The following SCFD2 variants were observed in gnomAD, a reference collection of about 807,000 sequenced individuals.
The protein encoded by SCFD2 is sec1 family domain-containing protein 2.
A neutral mutation model predicts 58.9 loss-of-function variants in SCFD2; 54 were observed. That is an observed-to-expected ratio of 0.92 (90% CI 0.74 to 1.15). The LOEUF is 1.15. Ranked by LOEUF, SCFD2 falls within the 50% of genes most tolerant of loss-of-function variation. The pLI, the probability that SCFD2 is intolerant of heterozygous loss-of-function variation, is 0.00. For missense variants in SCFD2, 805 were observed against 836.6 expected, an observed-to-expected ratio of 0.96 and a Z score of 0.47; for synonymous variants, 321 against 335.9, an observed-to-expected ratio of 0.96 and a Z score of 0.49.
chr4:53,029,894 A>G (rs1722572522), intron 5 of SCFD2, among the ~76,000 whole-genome samples: 1 of 152,000 alleles, frequency 6.6e-6, no homozygotes, highest in South Asian at 2.1e-4. Flanking sequence ...CATACAAGAG[A>G]CTCCTTGTGG....
intron 4 of SCFD2, among the ~76,000 whole-genome samples, chr4:53,228,155 G>T (rs1161391119): frequency 6.6e-6 from 1 of 152,140 alleles, no homozygotes; most frequent in Non-Finnish European, 1.5e-5. Flanking sequence ...TTTAAGCCTA[G>T]TTCTTGTCAC....
At chr4:53,228,119 T>A (rs995346397) in intron 4 of SCFD2, among the ~76,000 whole-genome samples, 2 of 152,172 alleles carry the variant, frequency 1.3e-5, no homozygotes, top group Non-Finnish European at 2.9e-5. Context: ...ACTGTAAGGT[T>A]TGAATAAGAC....
chr4:52,875,398 TAGA>T (rs1200663826), intron 8 of SCFD2, among the ~76,000 whole-genome samples: 5 of 152,062 alleles, frequency 3.3e-5, no homozygotes, highest in African/African-American at 1.2e-4. Flanking sequence ...GTATGCACCC[TAGA>T]AGAAGAGGTG....
intron 3 of SCFD2, among the ~76,000 whole-genome samples, chr4:53,285,885 C>T (rs1731649442): frequency 6.6e-6 from 1 of 152,114 alleles, no homozygotes; most frequent in Non-Finnish European, 1.5e-5. Flanking sequence ...GCCTAGAGTT[C>T]ACATGGCTGT....
chr4:53,109,132 C>G (rs544321238), intron 5 of SCFD2, among the ~76,000 whole-genome samples: 1 of 152,180 alleles, frequency 6.6e-6, no homozygotes, highest in Non-Finnish European at 1.5e-5. Flanking sequence ...ATTATCTCAA[C>G]AGATACAGAA....
At chr4:53,080,116 G>A (rs1380563812) in intron 5 of SCFD2, among the ~76,000 whole-genome samples, 5 of 152,096 alleles carry the variant, frequency 3.3e-5, no homozygotes, top group African/African-American at 2.4e-5. Flanking sequence ...TTCTAGCAAC[G>A]AAACATTACC....
intron 4 of SCFD2, among the ~76,000 whole-genome samples, chr4:53,254,545 G>C (rs1381439412): frequency 1.3e-5 from 2 of 150,070 alleles, no homozygotes; most frequent in African/African-American, 2.4e-5. Context: ...CACCATGTTG[G>C]CCAGGCTGGT....
intron 5 of SCFD2, among the ~76,000 whole-genome samples, chr4:53,056,486 G>T (rs1723343391): frequency 1.3e-5 from 2 of 152,064 alleles, no homozygotes; most frequent in South Asian, 4.1e-4. Context: ...TATAGGGATA[G>T]GCTAATTATG....
At chr4:53,209,783 T>A (rs1212610697) in intron 4 of SCFD2, among the ~76,000 whole-genome samples, 1 of 151,170 alleles carries the variant, frequency 6.6e-6, no homozygotes, top group Admixed American at 6.6e-5. Context: ...AAAAAAAAAA[T>A]ACAAAATTGG....
chr4:52,987,829 C>T (rs187342990), intron 5 of SCFD2, among the ~76,000 whole-genome samples: 7 of 152,250 alleles, frequency 4.6e-5, no homozygotes, highest in African/African-American at 7.2e-5. Context: ...CATAAAACGC[C>T]GCAATGCAAT....
intron 4 of SCFD2, among the ~76,000 whole-genome samples, chr4:53,271,603 C>T (rs1731171380): frequency 6.6e-6 from 1 of 152,026 alleles, no homozygotes; most frequent in Admixed American, 6.6e-5. Flanking sequence ...GCTGGGACTA[C>T]AGAGGACCGC....
chr4:53,157,962 T>A (rs1726739410), intron 4 of SCFD2, among the ~76,000 whole-genome samples: 1 of 152,162 alleles, frequency 6.6e-6, no homozygotes, highest in Admixed American at 6.5e-5. Flanking sequence ...GTGCGCTCAG[T>A]TAAATTTGTT....
At chr4:53,055,072 A>T (rs1723285764) in intron 5 of SCFD2, among the ~76,000 whole-genome samples, 1 of 152,178 alleles carries the variant, frequency 6.6e-6, no homozygotes, top group Admixed American at 6.5e-5. Context: ...TCACCACAAT[A>T]TCAGTAATAA....
chr4:52,987,151 C>T (rs1721514243), intron 5 of SCFD2, among the ~76,000 whole-genome samples: 1 of 152,146 alleles, frequency 6.6e-6, no homozygotes, highest in Non-Finnish European at 1.5e-5. Context: ...GCCTTAGCCT[C>T]CTGAACAGCT....
intron 5 of SCFD2, among the ~76,000 whole-genome samples, chr4:53,131,559 A>G (rs1433348907): frequency 6.6e-6 from 1 of 152,192 alleles, no homozygotes; most frequent in Non-Finnish European, 1.5e-5. Context: ...TGATTCAGAT[A>G]AAAATAAAAA....
At chr4:53,333,320 G>A (rs1329484257) in intron 2 of SCFD2, among the ~76,000 whole-genome samples, 1 of 147,516 alleles carries the variant, frequency 6.8e-6, no homozygotes. Flanking sequence ...GAACAAAGCT[G>A]GAGGCATCAC....
chr4:53,186,310 C>T (rs746386863), intron 4 of SCFD2, among the ~76,000 whole-genome samples: 13 of 152,102 alleles, frequency 8.5e-5, no homozygotes, highest in Admixed American at 2.0e-4. Flanking sequence ...GTATCTCTTA[C>T]GGGACTTACC....
At chr4:53,139,524 C>T (rs1251318774) in intron 5 of SCFD2, among the ~76,000 whole-genome samples, 5 of 86,382 alleles carry the variant, frequency 5.8e-5, no homozygotes, top group East Asian at 3.1e-4. Flanking sequence ...CCCCTCTGCC[C>T]GGCAGCTGCC....
Position 52,874,006 on chromosome 4 carries a change from A to T in SCFD2, c.2018T>A (p.Phe673Tyr). The change falls in exon 9 of 9, where the codon TTT becomes TAT. Residue 673 changes from phenylalanine (F) to tyrosine (Y), a missense_variant. By Grantham distance (22) the Phe-to-Tyr change is conservative. Around this residue, in one of 3 missense-constraint regions of SCFD2, gnomAD observed 633 missense variants for 646.8 expected, o/e 0.98. Transcript: ENST00000401642. ...GTCTGGATGCAGTCGGTCAGTTGCAAATAACAGCTCAGGAATGTTAAGTGG... is the reference window on the plus strand; with the variant it reads ...GTCTGGATGCAGTCGGTCAGTTGCATATAACAGCTCAGGAATGTTAAGTGG... ...LKPLNIPELL[F>Y]ATDRLHPDLG... is the part of the protein sequence containing the mutation. The T allele has an allele frequency of 6.2e-7, 1 of 1,614,188 alleles. No homozygotes were observed.
Sources: allele counts gnomAD v4.1 joint callset (sites outside exome capture counted in the v4.1 genomes callset), GRCh38; gene constraint gnomAD v4.1.1; regional missense constraint gnomAD v4.1.1; transcripts MANE v1.5; gene names NCBI Gene and HGNC (gene_info 2026-07-23, HGNC 2026-07-21).